SLC39A10: variants seen among roughly 807,000 people sequenced by gnomAD.
The protein encoded by SLC39A10 is solute carrier family 39 member 10.
In SLC39A10, 13 loss-of-function variants were observed where a neutral mutation model predicts 65.1. The ratio of observed to expected loss-of-function variants is 0.20; its 90% CI spans 0.13 to 0.32. The LOEUF is 0.32. Ranked by LOEUF, SLC39A10 falls within the 10% of genes least tolerant of loss-of-function variation. The probability of loss-of-function intolerance (pLI) is 1.00; values close to 1 mark genes in which losing one functional copy is unlikely to be tolerated. For missense variants in SLC39A10, 831 were observed against 1,018.4 expected, an observed-to-expected ratio of 0.82 and a Z score of 2.50; for synonymous variants, 321 against 342.2, an observed-to-expected ratio of 0.94 and a Z score of 0.68.
chr2:195,685,799 T>C (rs916548275), intron 3 of SLC39A10, among the ~76,000 whole-genome samples: 1 of 152,232 alleles, frequency 6.6e-6, no homozygotes, highest in Admixed American at 6.5e-5. Flanking sequence ...CTTTAGTTGC[T>C]TTAATACAGT....
At chr2:195,699,100 T>C (rs1264486224) in intron 3 of SLC39A10, among the ~76,000 whole-genome samples, 1 of 152,004 alleles carries the variant, frequency 6.6e-6, no homozygotes, top group Non-Finnish European at 1.5e-5. Flanking sequence ...GTTCATAGTA[T>C]TCTATTATAA....
In SLC39A10 at chr2:195,622,842, G is replaced by A. The variant is rs867555090; in HGVS notation, c.-12+16609G>A. 5.9e-5 allele frequency among the ~76,000 whole-genome samples: 9 copies of A among 151,962 alleles called. No individual in the cohort carries two copies. The Middle Eastern group carries it at 0.01, about 172-fold the overall frequency. On this transcript the variant is annotated intron_variant, in intron 2 of 2. Transcript: ENST00000458054. ...AAAAAAATTGGCCAGGTGTGGTGGCGGGCACCTGTAATCCCAGCTACTCAG... is the reference window on the plus strand; with the variant it reads ...AAAAAAATTGGCCAGGTGTGGTGGCAGGCACCTGTAATCCCAGCTACTCAG...
chr2:195,694,705 G>C (rs988716545), intron 3 of SLC39A10, among the ~76,000 whole-genome samples: 16 of 152,148 alleles, frequency 1.1e-4, no homozygotes, highest in Admixed American at 5.2e-4. Context: ...TTTGTTTGGC[G>C]CTCTGGTTTT....
At chr2:195,684,608 C>G (rs754561116) in intron 3 of SLC39A10, among the ~76,000 whole-genome samples, 1 of 150,752 alleles carries the variant, frequency 6.6e-6, no homozygotes, top group Non-Finnish European at 1.5e-5. Flanking sequence ...CTTTGACTTT[C>G]TTTTTCTCTT....
At chr2:195,647,892 G>C (rs551224874) in intron 2 of SLC39A10, among the ~76,000 whole-genome samples, 5 of 152,244 alleles carry the variant, frequency 3.3e-5, no homozygotes, top group African/African-American at 1.2e-4. Context: ...ATATTTATGT[G>C]TCTCTTTTTC....
At chr2:195,705,208 T>C (rs2105808819) in intron 3 of SLC39A10, among the ~76,000 whole-genome samples, 1 of 152,298 alleles carries the variant, frequency 6.6e-6, no homozygotes, top group East Asian at 1.9e-4. Context: ...CCAAAATCCT[T>C]GCAAGGATTG....
chr2:195,644,726 C>T (rs936426105), intron 2 of SLC39A10, among the ~76,000 whole-genome samples: 2 of 149,946 alleles, frequency 1.3e-5, no homozygotes, highest in African/African-American at 5.0e-5. Flanking sequence ...GATCACTTGA[C>T]CCCAGGAGGT....
chr2:195,643,120 A>G (rs1688843929), intron 2 of SLC39A10, among the ~76,000 whole-genome samples: 1 of 152,214 alleles, frequency 6.6e-6, no homozygotes, highest in African/African-American at 2.4e-5. Flanking sequence ...AATTTATCAA[A>G]TTCCTTGAGG....
chr2:195,614,366 C>T (rs1469870409), intron 2 of SLC39A10, among the ~76,000 whole-genome samples: 4 of 152,112 alleles, frequency 2.6e-5, no homozygotes, highest in East Asian at 1.9e-4. Context: ...AGTGAATTTT[C>T]GGTGCCAAAA....
At chr2:195,704,191 C>G (rs151129642) in intron 3 of SLC39A10, among the ~76,000 whole-genome samples, 258 of 152,186 alleles carry the variant, frequency 1.7e-3, no homozygotes, top group African/African-American at 5.5e-3. Context: ...GTATGAATTA[C>G]TGGCTTTTCC....
At chr2:195,718,366 T>G in intron 8 of SLC39A10, 34 bp downstream of exon 8, 1 of 1,515,882 alleles carries the variant, frequency 6.6e-7, no homozygotes. Context: ...CCAGATTTCA[T>G]CAAATCTAAG....
At chr2:195,674,597 C>CT (rs1173203884) in intron 1 of SLC39A10, 2 of 985,158 alleles carry the variant, frequency 2.0e-6, no homozygotes, top group Non-Finnish European at 2.4e-6. Flanking sequence ...TATTTACCTC[C>CT]TTTTTTCTTG....
rs1176979865 is a variant in SLC39A10 at position 195,680,780 on chromosome 2, T to C, written c.738T>C (p.Val246=). ...KGRKSNENSE[V]ITPGFPPNHD... is the part of the protein sequence containing the mutation. ...GGAAAAGTAATGAAAATTCTGAGGT[T>C]ATTACACCAGGTTTTCCCCCTAACC... is the stretch of plus-strand genomic sequence containing the variant. Residue 246 remains valine (V), a synonymous_variant, in exon 2 of 10, where the codon GTT becomes GTC. Coordinates refer to ENST00000359634, the MANE Select transcript of SLC39A10 (RefSeq NM_020342.3). 1 of 1,614,096 alleles carries C rather than the reference T, an allele frequency of 6.2e-7. No individual in the cohort carries two copies. The highest frequency in any genetic ancestry group is 2.2e-5 in the East Asian group (1 of 44,880).
In SLC39A10 at chr2:195,645,983, CA is replaced by C. The variant is rs998285323; in HGVS notation, c.-11-34041del. On this transcript the variant is annotated intron_variant, in intron 2 of 2. Coordinates refer to the SLC39A10 transcript ENST00000458054. ...TTTGAGATGGGGTCTCACTCTGTGT[CA>C]AAAAAAAGGCTGGAGTGCAGTGGCA... Among the ~76,000 whole-genome samples, 225 of 151,672 alleles carry C rather than the reference CA, an allele frequency of 1.5e-3. 1 individual carries two copies. The highest frequency in any genetic ancestry group is 3.7e-3 in the Admixed American group (56 of 15,228).
chr2:195,617,654 C>T (rs935721324), intron 2 of SLC39A10, among the ~76,000 whole-genome samples: 1 of 152,022 alleles, frequency 6.6e-6, no homozygotes, highest in African/African-American at 2.4e-5. Context: ...GAAAATCACT[C>T]GAGCTCAGGA....
intron 2 of SLC39A10, among the ~76,000 whole-genome samples, chr2:195,640,076 T>C (rs1370225182): frequency 6.6e-6 from 1 of 152,226 alleles, no homozygotes; most frequent in Non-Finnish European, 1.5e-5. Flanking sequence ...CTGTTTCAAT[T>C]GGCTCCTGTG....
intron 2 of SLC39A10, among the ~76,000 whole-genome samples, chr2:195,645,363 T>C (rs1688893684): frequency 6.6e-6 from 1 of 152,176 alleles, no homozygotes; most frequent in African/African-American, 2.4e-5. Flanking sequence ...ATTTAAAATA[T>C]AGGGAGAGTA....
intron 1 of SLC39A10, among the ~76,000 whole-genome samples, chr2:195,669,554 C>T (rs1447744966): frequency 6.6e-6 from 1 of 152,148 alleles, no homozygotes; most frequent in Non-Finnish European, 1.5e-5. Context: ...CAATCTAAGA[C>T]AAAATATCTG....
chr2:195,636,615 T>C (rs1688701831), intron 2 of SLC39A10, among the ~76,000 whole-genome samples: 1 of 151,682 alleles, frequency 6.6e-6, no homozygotes, highest in Non-Finnish European at 1.5e-5. Flanking sequence ...TAGTTGGGCG[T>C]GGTGGCGGGT....
Sources: gnomAD v4.1 joint callset for allele counts (sites outside exome capture counted in the v4.1 genomes callset) on GRCh38, gnomAD v4.1.1 for gene constraint, MANE v1.5 for transcripts, NCBI Gene and HGNC (gene_info 2026-07-23, HGNC 2026-07-21) for gene names.